Variants in SGCD observed in about 807,000 individuals in gnomAD.
SGCD encodes sarcoglycan delta.
SGCD carries 18 observed loss-of-function variants against 36.6 expected under a neutral mutation model. That is an observed-to-expected ratio of 0.49 (90% CI 0.34 to 0.73). SGCD has a LOEUF of 0.73. Ranked by LOEUF, SGCD falls within the 30% of genes least tolerant of loss-of-function variation. The probability of loss-of-function intolerance (pLI) is 0.01; values close to 1 mark genes in which losing one functional copy is unlikely to be tolerated. For missense variants in SGCD, 387 were observed against 346.7 expected, an observed-to-expected ratio of 1.12 and a Z score of -0.92; for synonymous variants, 133 against 130.6, an observed-to-expected ratio of 1.02 and a Z score of -0.12.
chr5:156,242,395 A>G (rs569611996), intron 3 of SGCD, among the ~76,000 whole-genome samples: 15 of 152,140 alleles, frequency 9.9e-5, no homozygotes, highest in Non-Finnish European at 2.2e-4. Context: ...TAGTCATGGG[A>G]CTGTTCTGTG....
intron 7 of SGCD, among the ~76,000 whole-genome samples, chr5:156,695,483 C>CGATA (rs57748102): frequency 9.4e-5 from 13 of 137,742 alleles, no homozygotes; most frequent in Admixed American, 1.4e-4. Flanking sequence ...CAACCTCTCT[C>CGATA]GATAGATAGA....
chr5:155,881,052 TTAA>T (rs1374929953), intron 1 of SGCD, among the ~76,000 whole-genome samples: 1 of 152,142 alleles, frequency 6.6e-6, no homozygotes, highest in East Asian at 1.9e-4. Context: ...TGGAGGTCAC[TTAA>T]TAAAATGTTT....
chr5:155,968,069 T>C (rs1757937267), intron 1 of SGCD, among the ~76,000 whole-genome samples: 1 of 152,134 alleles, frequency 6.6e-6, no homozygotes, highest in South Asian at 2.1e-4. Context: ...GCAGAGTGGT[T>C]GGGATGATGT....
At chr5:155,880,575 A>G (rs780599638) in intron 1 of SGCD, among the ~76,000 whole-genome samples, 1 of 152,188 alleles carries the variant, frequency 6.6e-6, no homozygotes, top group Non-Finnish European at 1.5e-5. Flanking sequence ...TTAAATACAC[A>G]TATGTACAAA....
chr5:156,595,502 G>A (rs1760890746), intron 6 of SGCD, among the ~76,000 whole-genome samples: 4 of 152,194 alleles, frequency 2.6e-5, no homozygotes, highest in Admixed American at 2.6e-4. Flanking sequence ...ATTTAGGCCA[G>A]TTTCCTGGAT....
intron 1 of SGCD, among the ~76,000 whole-genome samples, chr5:156,110,968 T>TGA (rs1312790632): frequency 6.6e-6 from 1 of 152,056 alleles, no homozygotes; most frequent in Non-Finnish European, 1.5e-5. Context: ...GAGAGAAGAA[T>TGA]GAGAGAGACA....
chr5:156,294,759 A>T (rs779115292), intron 3 of SGCD, among the ~76,000 whole-genome samples: 1 of 152,124 alleles, frequency 6.6e-6, no homozygotes, highest in Non-Finnish European at 1.5e-5. Flanking sequence ...CTCCTGCTTC[A>T]TTCTGTTAAT....
At chr5:155,877,505 A>G (rs887561587) in intron 1 of SGCD, among the ~76,000 whole-genome samples, 3 of 152,108 alleles carry the variant, frequency 2.0e-5, no homozygotes, top group Non-Finnish European at 2.9e-5. Flanking sequence ...TCCTAACAGT[A>G]TCTGTACTTG....
intron 3 of SGCD, among the ~76,000 whole-genome samples, chr5:156,423,040 A>C (rs907934359): frequency 2.0e-5 from 3 of 149,704 alleles, no homozygotes; most frequent in Non-Finnish European, 1.5e-5. Context: ...CAGACACAAA[A>C]CTCATGCTGC....
chr5:155,984,300 T>A (rs1184207712), intron 1 of SGCD, among the ~76,000 whole-genome samples: 1 of 152,216 alleles, frequency 6.6e-6, no homozygotes, highest in Non-Finnish European at 1.5e-5. Flanking sequence ...TCACTTTCTA[T>A]GCATCTGTCA....
chr5:156,460,606 G>GTGAC (rs1179672130), intron 3 of SGCD, among the ~76,000 whole-genome samples: 3 of 152,142 alleles, frequency 2.0e-5, no homozygotes, highest in East Asian at 1.9e-4. Context: ...GAATGAGTTA[G>GTGAC]TGACTGACTG....
intron 1 of SGCD, among the ~76,000 whole-genome samples, chr5:155,972,603 G>A (rs1368212774): frequency 2.0e-5 from 3 of 151,918 alleles, no homozygotes. Flanking sequence ...ATTTCCATAG[G>A]GAAAAACTTC....
chr5:155,792,662 C>T, the SGCD span, among the ~76,000 whole-genome samples: 3 of 152,090 alleles, frequency 2.0e-5, no homozygotes, highest in Non-Finnish European at 4.4e-5. Flanking sequence ...AAATGCTCAA[C>T]ATCACTAGTC....
intron 6 of SGCD, among the ~76,000 whole-genome samples, chr5:156,622,676 A>G (rs1762300425): frequency 6.6e-6 from 1 of 152,142 alleles, no homozygotes; most frequent in Admixed American, 6.5e-5. Context: ...GAGTAGGACA[A>G]TCATGTAGAA....
chr5:156,117,451 T>G (rs181947457), intron 1 of SGCD, among the ~76,000 whole-genome samples: 2 of 152,198 alleles, frequency 1.3e-5, no homozygotes, highest in African/African-American at 2.4e-5. Context: ...TATCTTATAT[T>G]TGTGTTTTTT....
intron 1 of SGCD, among the ~76,000 whole-genome samples, chr5:156,013,829 T>C (rs1758911000): frequency 1.3e-5 from 2 of 152,132 alleles, no homozygotes; most frequent in Non-Finnish European, 2.9e-5. Context: ...AATAATAGTT[T>C]TATCATTTGT....
intron 1 of SGCD, among the ~76,000 whole-genome samples, chr5:156,017,678 G>A (rs141662036): frequency 7.6e-4 from 115 of 152,054 alleles, no homozygotes; most frequent in Middle Eastern, 3.4e-3. Flanking sequence ...CTCTGAAATA[G>A]TCTCTAGTTC....
At chr5:156,742,873 CTCACTCGCAT>C (rs1486901075) in intron 7 of SGCD, among the ~76,000 whole-genome samples, 1 of 152,170 alleles carries the variant, frequency 6.6e-6, no homozygotes, top group Non-Finnish European at 1.5e-5. Flanking sequence ...TTAGATGAAA[CTCACTCGCAT>C]TAAGGAGGAA....
At chr5:156,377,610 T>A (rs550593746) in intron 3 of SGCD, among the ~76,000 whole-genome samples, 1 of 152,278 alleles carries the variant, frequency 6.6e-6, no homozygotes, top group South Asian at 2.1e-4. Flanking sequence ...CATGAATGGA[T>A]GTCCTCACTG....
Sources: gnomAD v4.1 joint callset for allele counts (sites outside exome capture counted in the v4.1 genomes callset) on GRCh38, gnomAD v4.1.1 for gene constraint, MANE v1.5 for transcripts, NCBI Gene and HGNC (gene_info 2026-07-23, HGNC 2026-07-21) for gene names.